HERC6: variants seen among roughly 807,000 people sequenced by gnomAD.
The protein encoded by HERC6 is probable E3 ubiquitin-protein ligase HERC6.
A neutral mutation model predicts 114.5 loss-of-function variants in HERC6; 101 were observed. The ratio of observed to expected loss-of-function variants is 0.88; its 90% CI spans 0.75 to 1.04. The LOEUF (loss-of-function observed/expected upper bound fraction) is 1.04. Ranked by LOEUF, HERC6 falls within the 50% of genes least tolerant of loss-of-function variation. The probability of loss-of-function intolerance (pLI) is 0.00; values close to 1 mark genes in which losing one functional copy is unlikely to be tolerated. For missense variants in HERC6, 1,133 were observed against 1,230.9 expected (o/e 0.92, Z 1.19); for synonymous variants, 408 against 436.2 (o/e 0.94, Z 0.81).
intron 12 of HERC6, among the ~76,000 whole-genome samples, chr4:88,415,633 G>GA (rs1221313867): frequency 6.6e-6 from 1 of 151,788 alleles, no homozygotes; most frequent in African/African-American, 2.4e-5. Context: ...CCATTCTGAG[G>GA]AAAAAAAACT....
At chr4:88,414,533 A>G (rs1736319355) in intron 12 of HERC6, among the ~76,000 whole-genome samples, 1 of 152,162 alleles carries the variant, frequency 6.6e-6, no homozygotes, top group South Asian at 2.1e-4. Context: ...GTAGAAGAAT[A>G]AAAAATGGCT....
At chr4:88,398,710 C>G (rs1351063144) in intron 8 of HERC6, 1 of 152,168 alleles carries the variant, frequency 6.6e-6, no homozygotes, top group Non-Finnish European at 1.5e-5. Flanking sequence ...GTCACATCAC[C>G]GAGTCCCCAA....
chr4:88,388,187 C>A (rs1734690315), intron 3 of HERC6, among the ~76,000 whole-genome samples: 1 of 151,974 alleles, frequency 6.6e-6, no homozygotes, highest in African/African-American at 2.4e-5. Flanking sequence ...AATCCCAGCA[C>A]TCTGGAAGGG....
At chr4:88,380,346 TA>T (rs1734231881) in intron 1 of HERC6, among the ~76,000 whole-genome samples, 1 of 12,230 alleles carries the variant, frequency 8.2e-5, no homozygotes, top group Non-Finnish European at 1.3e-4. Flanking sequence ...AATATATATA[TA>T]ATATAAATAT....
At chr4:88,425,332 T>C (rs1173396062) in intron 15 of HERC6, among the ~76,000 whole-genome samples, 3 of 152,236 alleles carry the variant, frequency 2.0e-5, no homozygotes, top group African/African-American at 7.2e-5. Flanking sequence ...TTAATCATGA[T>C]ATTTCACGTT....
At chr4:88,408,923 T>C (rs1560547099) in intron 11 of HERC6, among the ~76,000 whole-genome samples, 3 of 152,056 alleles carry the variant, frequency 2.0e-5, no homozygotes, top group Admixed American at 6.6e-5. Context: ...GTAGGGGGCA[T>C]GCTGACTGGC....
chr4:88,395,604 T>C (rs1045948208), intron 5 of HERC6, among the ~76,000 whole-genome samples: 8 of 152,244 alleles, frequency 5.3e-5, no homozygotes, highest in Non-Finnish European at 1.0e-4. Context: ...AATTTTCATA[T>C]ATGAAACACA....
chr4:88,379,553 C>G (rs1211793410), intron 1 of HERC6, among the ~76,000 whole-genome samples: 1 of 148,896 alleles, frequency 6.7e-6, no homozygotes, highest in African/African-American at 2.5e-5. Flanking sequence ...AGAAGGCAGC[C>G]TGACCTTACA....
chr4:88,400,241 G>T (rs1735461286), intron 8 of HERC6, among the ~76,000 whole-genome samples: 2 of 152,150 alleles, frequency 1.3e-5, no homozygotes, highest in Admixed American at 1.3e-4. Context: ...TTGAGACAGG[G>T]TCTCACTCTG....
chr4:88,381,732 A>G (rs1360410241), intron 1 of HERC6, among the ~76,000 whole-genome samples: 2 of 151,502 alleles, frequency 1.3e-5, no homozygotes, highest in Non-Finnish European at 2.9e-5. Context: ...TAATTTTTAT[A>G]TTTTTAGTAG....
At chr4:88,409,462 C>T (rs547565194) in intron 11 of HERC6, among the ~76,000 whole-genome samples, 1 of 152,244 alleles carries the variant, frequency 6.6e-6, no homozygotes, top group Non-Finnish European at 1.5e-5. Flanking sequence ...TACTATATTC[C>T]AGGTACTATT....
intron 7 of HERC6, among the ~76,000 whole-genome samples, chr4:88,397,754 A>G (rs1184968621): frequency 6.6e-6 from 1 of 152,154 alleles, no homozygotes; most frequent in Non-Finnish European, 1.5e-5. Flanking sequence ...TAACTTGATT[A>G]CTTAAACATC....
chr4:88,393,422 A>C (rs767765980), intron 4 of HERC6, 66 bp from the exon 5 acceptor site: 11 of 797,274 alleles, frequency 1.4e-5, no homozygotes, highest in Non-Finnish European at 2.1e-5. Flanking sequence ...AAGATATTAA[A>C]ATGTAAATAG....
rs1378898228 is a variant in HERC6, at chr4:88,442,799, C to A, written c.*339C>A. 6.7e-6 allele frequency: 2 copies of A among 298,560 alleles called. No individual in the cohort carries two copies. Among genetic ancestry groups the A allele is most frequent in the Non-Finnish European group, 1.3e-5 (2 of 156,948 alleles). 18.5% of individuals were successfully genotyped at this position (298,560 alleles called of 1,614,324 possible). A position where few individuals can be genotyped will look rare whatever the true frequency, so the allele number is the denominator to read the frequency against. On this transcript the variant is annotated 3_prime_UTR_variant, in exon 23 of 23. Coordinates refer to ENST00000264346, the MANE Select transcript of HERC6 (RefSeq NM_017912.4). ...TCTGATTGGCCATGGGCCAGACCTG[C>A]ACTCTGGCCAATGATTGGTTCATTC...
At chr4:88,395,502 A>G (rs766146805) in intron 5 of HERC6, among the ~76,000 whole-genome samples, 9 of 152,192 alleles carry the variant, frequency 5.9e-5, no homozygotes, top group Non-Finnish European at 1.0e-4. Context: ...ACATTGTGAA[A>G]TGATTACCAC....
At chr4:88,383,120 C>G in intron 1 of HERC6, 101 bp from the exon 2 acceptor site, 1 of 1,444,504 alleles carries the variant, frequency 6.9e-7, no homozygotes, top group Non-Finnish European at 9.3e-7. Flanking sequence ...GACAAGAAAT[C>G]TGGATGATCC....
chr4:88,379,702 AATATAT>A (rs1182426529), intron 1 of HERC6, among the ~76,000 whole-genome samples: 2 of 108,648 alleles, frequency 1.8e-5, no homozygotes, highest in Non-Finnish European at 3.4e-5. Flanking sequence ...ATAATATATA[AATATAT>A]AATATATAAA....
intron 11 of HERC6, among the ~76,000 whole-genome samples, chr4:88,409,928 A>G (rs1736002337): frequency 6.6e-6 from 1 of 152,154 alleles, no homozygotes; most frequent in Admixed American, 6.5e-5. Flanking sequence ...AACAACAGAC[A>G]TTTATTTCTC....
chr4:88,381,203 A>G (rs1391651099), intron 1 of HERC6, among the ~76,000 whole-genome samples: 1 of 152,064 alleles, frequency 6.6e-6, no homozygotes, highest in African/African-American at 2.4e-5. Context: ...GGAGGAGGAA[A>G]ATTTTTCCTC....
Sources: allele counts gnomAD v4.1 joint callset (sites outside exome capture counted in the v4.1 genomes callset), GRCh38; gene constraint gnomAD v4.1.1; transcripts MANE v1.5; gene names NCBI Gene and HGNC (gene_info 2026-07-23, HGNC 2026-07-21).